Variants in SPRR2G observed in about 807,000 individuals in gnomAD.
SPRR2G encodes small proline rich protein 2G, also known as small proline-rich protein 2G.
A neutral mutation model predicts 0.7 loss-of-function variants in SPRR2G; 1 was observed. That is an observed-to-expected ratio of 1.49 (90% CI 0.53 to 7.06). The LOEUF (loss-of-function observed/expected upper bound fraction) is 7.06, where lower values mean the gene tolerates loss of function less well. Among genes scored for constraint, SPRR2G ranks in the 30% most tolerant of loss-of-function variants. SPRR2G has a pLI of 0.14. For synonymous variants in SPRR2G, 38 were observed against 33.9 expected (o/e 1.12, Z -0.42); for missense variants, 96 against 88.5 (o/e 1.09, Z -0.34).
the SPRR2G span, among the ~76,000 whole-genome samples, chr1:153,194,094 T>TA: frequency 4.1e-3 from 624 of 151,952 alleles, 10 homozygotes; most frequent in African/African-American, 0.015. Flanking sequence ...CAGGCTAGGG[T>TA]AAAAAAGGCC....
At chr1:153,195,891 G>A in the SPRR2G span, among the ~76,000 whole-genome samples, 5 of 152,134 alleles carry the variant, frequency 3.3e-5, no homozygotes, top group East Asian at 9.7e-4. Flanking sequence ...GAGCAACAAG[G>A]AGAAGACCTT....
the SPRR2G span, among the ~76,000 whole-genome samples, chr1:153,173,272 C>A: frequency 0.018 from 2,714 of 152,278 alleles, 85 homozygotes; most frequent in African/African-American, 0.061. Flanking sequence ...ACTTCCAGAA[C>A]CCCCAGGCTT....
chr1:153,176,632 A>T, the SPRR2G span: 1 of 152,130 alleles, frequency 6.6e-6, no homozygotes, highest in South Asian at 2.1e-4. Context: ...GAGAAAACAC[A>T]CCATGTCGGT....
the SPRR2G span, among the ~76,000 whole-genome samples, chr1:153,197,536 C>T: frequency 5.3e-5 from 8 of 152,094 alleles, no homozygotes; most frequent in Non-Finnish European, 1.0e-4. Flanking sequence ...CCCAAATATT[C>T]ACTGAGCATC....
the SPRR2G span, among the ~76,000 whole-genome samples, chr1:153,157,386 G>A: frequency 3.9e-5 from 6 of 152,182 alleles, no homozygotes; most frequent in East Asian, 1.2e-3. Context: ...CAAAGTGTGG[G>A]AGAGTAGATG....
chr1:153,176,715 T>C, the SPRR2G span: 3 of 152,106 alleles, frequency 2.0e-5, no homozygotes, highest in Non-Finnish European at 2.9e-5. Context: ...AGGGGCGAGA[T>C]GAAAGCAGAC....
chr1:153,200,663 A>G, the SPRR2G span, among the ~76,000 whole-genome samples: 1 of 151,970 alleles, frequency 6.6e-6, no homozygotes, highest in Non-Finnish European at 1.5e-5. Flanking sequence ...TAAGTAAATT[A>G]CTAAGAGTTG....
At chr1:153,184,249 A>G in the SPRR2G span, among the ~76,000 whole-genome samples, 1 of 152,156 alleles carries the variant, frequency 6.6e-6, no homozygotes, top group Non-Finnish European at 1.5e-5. Flanking sequence ...TTTCTAATTC[A>G]GTGAAGAAAA....
the SPRR2G span, among the ~76,000 whole-genome samples, chr1:153,186,525 T>C: frequency 6.6e-6 from 1 of 152,206 alleles, no homozygotes; most frequent in Non-Finnish European, 1.5e-5. Context: ...TATCAGAGAC[T>C]AGAATTGCAA....
the SPRR2G span, among the ~76,000 whole-genome samples, chr1:153,189,727 G>T: frequency 6.6e-6 from 1 of 152,194 alleles, no homozygotes; most frequent in Admixed American, 6.5e-5. Context: ...TCCTGAAGAA[G>T]TAATGATCAA....
the SPRR2G span, among the ~76,000 whole-genome samples, chr1:153,197,381 T>G: frequency 6.6e-6 from 1 of 152,024 alleles, no homozygotes; most frequent in African/African-American, 2.4e-5. Flanking sequence ...TCTCTGGGCC[T>G]CATACAGATA....
the SPRR2G span, among the ~76,000 whole-genome samples, chr1:153,158,947 G>A: frequency 2.0e-5 from 3 of 152,314 alleles, no homozygotes; most frequent in South Asian, 6.2e-4. Flanking sequence ...CTGGGATGCA[G>A]GGTACCAAGT....
At chr1:153,192,579 G>A in the SPRR2G span, among the ~76,000 whole-genome samples, 1 of 152,152 alleles carries the variant, frequency 6.6e-6, no homozygotes, top group Non-Finnish European at 1.5e-5. Context: ...CAAGATTATA[G>A]GTTCCTGGGT....
rs370375006 is a variant in SPRR2G at position 153,150,134 on chromosome 1, G to A, written c.-21-3C>T. On this transcript the variant is annotated splice_polypyrimidine_tract_variant and splice_region_variant and intron_variant, in intron 1 of 1. Coordinates refer to ENST00000368748, the MANE Select transcript of SPRR2G (RefSeq NM_001014291.4). ...ATCTCTCCTCAGTCTCAGAGAATCTGAAAGATACATACGAAACAGTGCTCA... is the reference window on the plus strand; with the variant it reads ...ATCTCTCCTCAGTCTCAGAGAATCTAAAAGATACATACGAAACAGTGCTCA... 1.2e-6 allele frequency: 2 copies of A among 1,610,890 alleles called. No individual in the cohort carries two copies. The highest frequency in any genetic ancestry group is 1.3e-5 in the African/African-American group (1 of 74,836).
chr1:153,186,075 G>A, the SPRR2G span, among the ~76,000 whole-genome samples: 1 of 152,206 alleles, frequency 6.6e-6, no homozygotes, highest in Non-Finnish European at 1.5e-5. Context: ...TGTGGTCTGA[G>A]AGACTGTTTG....
At chr1:153,196,022 C>T in the SPRR2G span, among the ~76,000 whole-genome samples, 1 of 152,178 alleles carries the variant, frequency 6.6e-6, no homozygotes, top group Non-Finnish European at 1.5e-5. Context: ...ACCATCCTTC[C>T]CCTTCCTTAT....
the SPRR2G span, among the ~76,000 whole-genome samples, chr1:153,169,320 T>C: frequency 4.4e-3 from 664 of 152,078 alleles, 11 homozygotes; most frequent in Middle Eastern, 0.02. Flanking sequence ...AATCCCAGCA[T>C]TTTGAGAGGC....
chr1:153,167,713 A>G, the SPRR2G span, among the ~76,000 whole-genome samples: 803 of 152,304 alleles, frequency 5.3e-3, 10 homozygotes, highest in Middle Eastern at 0.02. Flanking sequence ...CTTCTTATAG[A>G]AGATATAAGC....
chr1:153,189,295 G>C, the SPRR2G span, among the ~76,000 whole-genome samples: 1 of 152,058 alleles, frequency 6.6e-6, no homozygotes, highest in Non-Finnish European at 1.5e-5. Flanking sequence ...GAAAGAATGT[G>C]TAAGTACATT....
Sources: allele counts gnomAD v4.1 joint callset (sites outside exome capture counted in the v4.1 genomes callset), GRCh38; gene constraint gnomAD v4.1.1; transcripts MANE v1.5; gene names NCBI Gene and HGNC (gene_info 2026-07-23, HGNC 2026-07-21).